ANO1: variants seen among roughly 807,000 people sequenced by gnomAD.
ANO1 encodes anoctamin-1.
In ANO1, 59 loss-of-function variants were observed where a neutral mutation model predicts 124.0. That is an observed-to-expected ratio of 0.48 (90% confidence interval 0.39 to 0.59). ANO1 has a LOEUF of 0.59. Among genes scored for constraint, ANO1 ranks in the 20% least tolerant of loss-of-function variants. The probability of loss-of-function intolerance (pLI) is 0.00; values close to 1 mark genes in which losing one functional copy is unlikely to be tolerated. For missense variants in ANO1, 1,059 were observed against 1,328.0 expected (o/e 0.80, Z 3.15); for synonymous variants, 529 against 532.0 (o/e 0.99, Z 0.08).
intron 1 of ANO1, among the ~76,000 whole-genome samples, chr11:70,024,848 T>C (rs1856864472): frequency 6.6e-6 from 1 of 152,162 alleles, no homozygotes; most frequent in Non-Finnish European, 1.5e-5. Flanking sequence ...GGCACATAGA[T>C]AGACTTGTCT....
At chr11:70,149,503 T>G (rs1217701702) in intron 11 of ANO1, 1 of 530,792 alleles carries the variant, frequency 1.9e-6, no homozygotes, top group East Asian at 3.4e-5. Flanking sequence ...ATACAAAGAT[T>G]AGCTGGGTGT....
rs956431845 is a variant in ANO1, at chr11:70,008,479, C to T, written c.58+22313C>T. On this transcript the variant is annotated intron_variant, in intron 1 of 27. Coordinates refer to the ANO1 transcript ENST00000531349. ...TGCATGTGAATATCCAGTTTCCCAGCGACCTTTGGCAAAGAGATTGTCCTT... is the reference window on the plus strand; with the variant it reads ...TGCATGTGAATATCCAGTTTCCCAGTGACCTTTGGCAAAGAGATTGTCCTT... Among the ~76,000 whole-genome samples the T allele has an allele frequency of 3.3e-5, 5 of 152,168 alleles. No homozygotes were observed. In the South Asian group the frequency reaches 6.2e-4, roughly 19 times the overall value.
At chr11:69,980,801 C>T in the ANO1 span, among the ~76,000 whole-genome samples, 2 of 152,068 alleles carry the variant, frequency 1.3e-5, no homozygotes, top group African/African-American at 4.8e-5. Flanking sequence ...CGCCTGTAAT[C>T]CCAGCACTTT....
the ANO1 span, among the ~76,000 whole-genome samples, chr11:69,969,515 A>G: frequency 6.6e-6 from 1 of 152,166 alleles, no homozygotes; most frequent in African/African-American, 2.4e-5. Flanking sequence ...ATCTCTGGCT[A>G]CTGCCCCCGT....
chr11:70,145,127 G>A (rs2047314021), intron 11 of ANO1, among the ~76,000 whole-genome samples: 2 of 152,306 alleles, frequency 1.3e-5, no homozygotes, highest in South Asian at 4.1e-4. Context: ...TGAGGAGGAT[G>A]GAGCTCAGGG....
At chr11:70,053,157 G>A (rs1857380731) in intron 1 of ANO1, among the ~76,000 whole-genome samples, 1 of 152,090 alleles carries the variant, frequency 6.6e-6, no homozygotes. Flanking sequence ...CATCTGGTTT[G>A]CCAAATTTAC....
chr11:69,998,374 A>G (rs1856315014), intron 1 of ANO1, among the ~76,000 whole-genome samples: 1 of 147,224 alleles, frequency 6.8e-6, no homozygotes, highest in Admixed American at 6.9e-5. Flanking sequence ...AGCTCTTCCT[A>G]TAAATAAAAG....
In ANO1 at chr11:70,095,346, AAAAGAAAGAAAG is replaced by A. The variant is rs540551294; in HGVS notation, c.441+7334_441+7345del. Among the ~76,000 whole-genome samples the A allele has an allele frequency of 1.0e-2, 1,043 of 104,540 alleles. 38 individuals are homozygous for A. The highest frequency in any genetic ancestry group is 0.022 in the Middle Eastern group (5 of 226). The allele number at this position is 104,540 out of a possible 152,430, so 68.6% of individuals were successfully genotyped here. ...GAAAGAAAGAAAGGAAAGAGAAAGAAAAAGAAAGAAAGAAAGAAAGAAAGAAAGAAAGAAAGA... is the reference window on the plus strand; with the variant it reads ...GAAAGAAAGAAAGGAAAGAGAAAGAAAAAGAAAGAAAGAAAGAAAGAAAGA... On this transcript the variant is annotated intron_variant, in intron 2 of 25. Transcript: ENST00000355303.
the ANO1 span, among the ~76,000 whole-genome samples, chr11:69,974,119 G>T: frequency 1.3e-5 from 2 of 151,910 alleles, no homozygotes; most frequent in South Asian, 4.2e-4. Context: ...AGGAGTTCGA[G>T]ACCAGCCTGG....
At chr11:70,035,587 G>A (rs893608478) in intron 1 of ANO1, among the ~76,000 whole-genome samples, 2 of 150,826 alleles carry the variant, frequency 1.3e-5, no homozygotes, top group Admixed American at 6.6e-5. Context: ...TGTTACATAG[G>A]TATACAGGTG....
intron 15 of ANO1, 99 bp from the exon 16 acceptor site, chr11:70,156,848 C>A: frequency 9.6e-7 from 1 of 1,044,962 alleles, no homozygotes; most frequent in Non-Finnish European, 1.4e-6. Flanking sequence ...TCAAGTTGTC[C>A]CTGGGCCCAT....
At chr11:70,079,728 G>A (rs1482419471) in intron 1 of ANO1, among the ~76,000 whole-genome samples, 1 of 152,238 alleles carries the variant, frequency 6.6e-6, no homozygotes, top group Admixed American at 6.5e-5. Context: ...CAAGCAGGAT[G>A]AGGATGGCCC....
At chr11:70,097,769 C>T (rs898250252) in intron 2 of ANO1, among the ~76,000 whole-genome samples, 3 of 152,292 alleles carry the variant, frequency 2.0e-5, no homozygotes, top group Admixed American at 6.5e-5. Context: ...TTTATAAAGT[C>T]GGGTGCCTTC....
At chr11:70,006,905 G>T (rs1856502451) in intron 1 of ANO1, among the ~76,000 whole-genome samples, 1 of 151,886 alleles carries the variant, frequency 6.6e-6, no homozygotes, top group Non-Finnish European at 1.5e-5. Flanking sequence ...CCTGACTTCA[G>T]GTGATCCGCC....
intron 1 of ANO1, among the ~76,000 whole-genome samples, chr11:70,059,178 C>A (rs1205892520): frequency 6.6e-6 from 1 of 150,848 alleles, no homozygotes; most frequent in African/African-American, 2.4e-5. Flanking sequence ...AGCGACAGAG[C>A]CAGACTCTGT....
At chr11:70,025,687 CGAT>C (rs1196606183) in intron 1 of ANO1, among the ~76,000 whole-genome samples, 3 of 81,806 alleles carry the variant, frequency 3.7e-5, no homozygotes, top group Admixed American at 1.2e-4. Context: ...GTGGTGGTGA[CGAT>C]GATGATGGTG....
intron 2 of ANO1, among the ~76,000 whole-genome samples, chr11:70,089,805 C>T (rs531357799): frequency 1.3e-4 from 20 of 152,334 alleles, no homozygotes; most frequent in Middle Eastern, 6.8e-3. Flanking sequence ...TCCTGCCCTC[C>T]AGCCCTGTGG....
intron 1 of ANO1, chr11:70,085,790 CTGTT>C: frequency 8.0e-7 from 1 of 1,247,620 alleles, no homozygotes; most frequent in Non-Finnish European, 1.1e-6. Context: ...GCAGTGCTGA[CTGTT>C]TGGGGAGGGG....
chr11:70,092,611 G>A (rs538078541), intron 2 of ANO1, among the ~76,000 whole-genome samples: 60 of 152,318 alleles, frequency 3.9e-4, no homozygotes, highest in Non-Finnish European at 7.2e-4. Context: ...CACCTGGGGT[G>A]GCTGAGGCTC....
Sources: allele counts gnomAD v4.1 joint callset (sites outside exome capture counted in the v4.1 genomes callset), GRCh38; gene constraint gnomAD v4.1.1; transcripts MANE v1.5; gene names NCBI Gene and HGNC (gene_info 2026-07-23, HGNC 2026-07-21).